HSPBAP1: variants seen among roughly 807,000 people sequenced by gnomAD.
HSPBAP1 encodes the protein HSPB1-associated protein 1.
In HSPBAP1, 27 loss-of-function variants were observed where a neutral mutation model predicts 45.2. The observed-to-expected ratio is 0.60, with a 90% CI of 0.44 to 0.82. HSPBAP1 has a LOEUF of 0.82. Among genes scored for constraint, HSPBAP1 ranks in the 40% least tolerant of loss-of-function variants. The probability of loss-of-function intolerance (pLI) is 0.00; values close to 1 mark genes in which losing one functional copy is unlikely to be tolerated. For synonymous variants in HSPBAP1, 204 were observed against 202.7 expected (o/e 1.01, Z -0.06); for missense variants, 510 against 590.9 (o/e 0.86, Z 1.42).
intron 1 of HSPBAP1, among the ~76,000 whole-genome samples, chr3:122,783,460 A>C (rs6794301): frequency 6.6e-6 from 1 of 152,010 alleles, no homozygotes; most frequent in Admixed American, 6.5e-5. Context: ...CTACTTGTAC[A>C]AAACGTCAAA....
chr3:122,787,690 A>G (rs1360011016), intron 1 of HSPBAP1, among the ~76,000 whole-genome samples: 1 of 152,236 alleles, frequency 6.6e-6, no homozygotes, highest in Non-Finnish European at 1.5e-5. Context: ...TCATCAAACA[A>G]CTATTGTATA....
At chr3:122,790,096 C>G (rs974416364) in intron 1 of HSPBAP1, among the ~76,000 whole-genome samples, 2 of 152,116 alleles carry the variant, frequency 1.3e-5, no homozygotes, top group Non-Finnish European at 2.9e-5. Context: ...TTCCTGAGCT[C>G]AAGCGATCTG....
intron 4 of HSPBAP1, chr3:122,758,896 CAAAAAAA>C (rs11369405): frequency 7.0e-5 from 14 of 200,198 alleles, no homozygotes; most frequent in South Asian, 1.5e-4. Context: ...TCTAATTTAC[CAAAAAAA>C]AAAAAAAAAA....
chr3:122,750,801 A>G (rs1934109302), intron 6 of HSPBAP1, among the ~76,000 whole-genome samples: 2 of 152,250 alleles, frequency 1.3e-5, no homozygotes, highest in African/African-American at 4.8e-5. Flanking sequence ...TAACGGGGAC[A>G]TATCAAAAGG....
intron 1 of HSPBAP1, among the ~76,000 whole-genome samples, chr3:122,779,885 GAA>G (rs1470574760): frequency 4.6e-5 from 7 of 151,958 alleles, no homozygotes; most frequent in East Asian, 3.9e-4. Context: ...AGAACAAAAT[GAA>G]AAGTCTCCCA....
chr3:122,781,447 C>A (rs369156071), intron 1 of HSPBAP1, among the ~76,000 whole-genome samples: 3 of 150,312 alleles, frequency 2.0e-5, no homozygotes, highest in African/African-American at 2.4e-5. Flanking sequence ...CGCAGGCACT[C>A]GGCAGGCTGA....
chr3:122,744,208 A>G (rs933975147), intron 6 of HSPBAP1, among the ~76,000 whole-genome samples: 2 of 152,200 alleles, frequency 1.3e-5, no homozygotes, highest in East Asian at 1.9e-4. Context: ...TAGAAAAAAT[A>G]CTGATAAATA....
At chr3:122,759,767 C>A (rs9872598) in intron 3 of HSPBAP1, among the ~76,000 whole-genome samples, 3 of 152,062 alleles carry the variant, frequency 2.0e-5, no homozygotes, top group African/African-American at 7.2e-5. Context: ...GTGAATGCAG[C>A]GGAAATGGCA....
rs1211516276 is a variant in HSPBAP1, at chr3:122,780,940, C to G, written c.65-3034G>C. On this transcript the variant is annotated intron_variant, in intron 1 of 7. Coordinates refer to ENST00000306103, the MANE Select transcript of HSPBAP1 (RefSeq NM_024610.6). ...CGGGGCGGCGGGGCAGAGGCGGTCC[C>G]CACATCTCAGACGATGGGCGGCCGG... 3.4e-5 allele frequency among the ~76,000 whole-genome samples: 4 copies of G among 117,750 alleles called. 1 individual carries two copies. The highest frequency in any genetic ancestry group is 8.0e-5 in the Admixed American group (1 of 12,518). 77.2% of individuals were successfully genotyped at this position (117,750 alleles called of 152,430 possible).
At chr3:122,770,799 A>G (rs1265918486) in intron 2 of HSPBAP1, among the ~76,000 whole-genome samples, 1 of 152,242 alleles carries the variant, frequency 6.6e-6, no homozygotes, top group Non-Finnish European at 1.5e-5. Flanking sequence ...TTGACAAACA[A>G]AAGTGCATGT....
chr3:122,756,703 A>G (rs1278996258), intron 4 of HSPBAP1, among the ~76,000 whole-genome samples: 1 of 152,034 alleles, frequency 6.6e-6, no homozygotes, highest in African/African-American at 2.4e-5. Context: ...GTATCTAAAA[A>G]AAAAAAAAAA....
intron 5 of HSPBAP1, chr3:122,753,100 G>A: frequency 1.2e-5 from 7 of 568,796 alleles, no homozygotes; most frequent in Non-Finnish European, 1.6e-5. Flanking sequence ...ATAGAAAGGT[G>A]GCATTATAGA....
Position 122,746,293 on chromosome 3 carries a change from A to G in HSPBAP1, c.826-5180T>C, listed in dbSNP as rs541794523. ...TTAATATGGATCAAAAAAAAAATCA[A>G]AAGGTTTTTTTTTTTTTTCCTAAAG... is the stretch of plus-strand genomic sequence containing the variant. On this transcript the variant is annotated intron_variant, in intron 6 of 7. Transcript: ENST00000306103. Among the ~76,000 whole-genome samples the G allele has an allele frequency of 2.7e-5, 4 of 145,530 alleles. No individual in the cohort carries two copies. In the East Asian group the frequency reaches 7.7e-4, roughly 28 times the overall value.
At chr3:122,791,221 AC>A (rs1199577186) in intron 1 of HSPBAP1, among the ~76,000 whole-genome samples, 2 of 152,208 alleles carry the variant, frequency 1.3e-5, no homozygotes, top group Non-Finnish European at 2.9e-5. Flanking sequence ...TCTTCCTACA[AC>A]CAAATCTAAT....
At chr3:122,758,511 G>A (rs538842346) in intron 4 of HSPBAP1, among the ~76,000 whole-genome samples, 19 of 152,264 alleles carry the variant, frequency 1.2e-4, no homozygotes, top group African/African-American at 4.6e-4. Context: ...CAACAGTGAA[G>A]CCTCTTCCTT....
intron 1 of HSPBAP1, among the ~76,000 whole-genome samples, chr3:122,781,810 G>T (rs1328495661): frequency 6.6e-6 from 1 of 152,014 alleles, no homozygotes; most frequent in Non-Finnish European, 1.5e-5. Flanking sequence ...CTTTTTTATG[G>T]CTGTGTAGCA....
chr3:122,788,323 AATG>A (rs1935717418), intron 1 of HSPBAP1, among the ~76,000 whole-genome samples: 1 of 152,234 alleles, frequency 6.6e-6, no homozygotes, highest in African/African-American at 2.4e-5. Context: ...CACTAGAAGG[AATG>A]ATGTCTCAAA....
Position 122,755,359 on chromosome 3 carries a change from A to C in HSPBAP1, c.642T>G (p.Ser214=). The change falls in exon 5 of 8, where the codon TCT becomes TCG. Residue 214 remains serine, a synonymous_variant. Coordinates refer to ENST00000306103, the MANE Select transcript of HSPBAP1 (RefSeq NM_024610.6). ...CAACATTGATTTTACTGAACACACT[A>C]GATTCTTCATAAGGGATTCTAGTTG... The part of the protein sequence containing the change: ...LYPTRIPYEE[S]SVFSKINVVN... 1.2e-6 allele frequency: 2 copies of C among 1,603,000 alleles called. No homozygotes were observed. The highest frequency in any genetic ancestry group is 1.7e-6 in the Non-Finnish European group (2 of 1,174,398).
intron 3 of HSPBAP1, among the ~76,000 whole-genome samples, chr3:122,768,136 C>T (rs1205326110): frequency 2.6e-5 from 4 of 152,140 alleles, no homozygotes; most frequent in African/African-American, 7.2e-5. Context: ...TGTCAACATA[C>T]GGCAAAGAAC....
Sources: gnomAD v4.1 joint callset for allele counts (sites outside exome capture counted in the v4.1 genomes callset) on GRCh38, gnomAD v4.1.1 for gene constraint, MANE v1.5 for transcripts, NCBI Gene and HGNC (gene_info 2026-07-23, HGNC 2026-07-21) for gene names.